AMBRA1: variants seen among roughly 807,000 people sequenced by gnomAD.
AMBRA1 encodes activating molecule in BECN1-regulated autophagy protein 1.
In AMBRA1, 47 loss-of-function variants were observed where a neutral mutation model predicts 125.4. That is an observed-to-expected ratio of 0.37 (90% CI 0.30 to 0.48). The LOEUF is 0.48. Among genes scored for constraint, AMBRA1 ranks in the 20% least tolerant of loss-of-function variants. The pLI is 0.99. For missense variants in AMBRA1, 1,331 were observed against 1,693.4 expected (o/e 0.79, Z 3.76); for synonymous variants, 626 against 655.5 (o/e 0.95, Z 0.69).
intron 13 of AMBRA1, 82 bp downstream of exon 13, chr11:46,434,767 C>T (rs1347859886): frequency 7.0e-7 from 1 of 1,427,262 alleles, no homozygotes; most frequent in Admixed American, 2.6e-5. Flanking sequence ...ATTACTCCCA[C>T]CCAAGCTGTG....
intron 9 of AMBRA1, among the ~76,000 whole-genome samples, chr11:46,506,689 A>C (rs1248710915): frequency 6.6e-6 from 1 of 152,214 alleles, no homozygotes; most frequent in African/African-American, 2.4e-5. Flanking sequence ...AATAATGCTT[A>C]ACCGCCCTTC....
At chr11:46,545,286 C>G (rs970131296) in intron 5 of AMBRA1, among the ~76,000 whole-genome samples, 4 of 151,352 alleles carry the variant, frequency 2.6e-5, no homozygotes, top group Admixed American at 2.0e-4. Flanking sequence ...ATGGTGAAAC[C>G]CTATCTTTAT....
At chr11:46,474,043 A>C (rs1468745396) in intron 11 of AMBRA1, among the ~76,000 whole-genome samples, 1 of 152,186 alleles carries the variant, frequency 6.6e-6, no homozygotes, top group Non-Finnish European at 1.5e-5. Context: ...ACATAGTAGC[A>C]CTCAAGAAGT....
chr11:46,591,590 C>T (rs1053519844), intron 1 of AMBRA1, among the ~76,000 whole-genome samples: 2 of 152,116 alleles, frequency 1.3e-5, no homozygotes, highest in South Asian at 4.1e-4. Context: ...GGCGCGGTGG[C>T]TCATACCTGT....
At chr11:46,590,394 C>A (rs969449791) in intron 1 of AMBRA1, among the ~76,000 whole-genome samples, 1 of 151,424 alleles carries the variant, frequency 6.6e-6, no homozygotes, top group African/African-American at 2.4e-5. Context: ...GTAGTTCCAG[C>A]TATTGGGGAG....
intron 14 of AMBRA1, among the ~76,000 whole-genome samples, chr11:46,427,082 A>G (rs547107716): frequency 1.3e-5 from 2 of 151,492 alleles, no homozygotes; most frequent in African/African-American, 4.9e-5. Flanking sequence ...GGACTATATT[A>G]TAAGTTCAAT....
intron 17 of AMBRA1, among the ~76,000 whole-genome samples, chr11:46,407,704 G>GCTAT (rs1271606137): frequency 3.9e-5 from 6 of 152,252 alleles, no homozygotes; most frequent in Non-Finnish European, 8.8e-5. Flanking sequence ...ATTCCCTGGG[G>GCTAT]TGATAGGCAC....
chr11:46,487,581 G>A (rs1201909390), intron 11 of AMBRA1, among the ~76,000 whole-genome samples: 5 of 152,066 alleles, frequency 3.3e-5, no homozygotes, highest in Admixed American at 6.6e-5. Flanking sequence ...AGGGAATGGA[G>A]CCACAGGGGA....
intron 15 of AMBRA1, among the ~76,000 whole-genome samples, chr11:46,411,785 A>G (rs544735664): frequency 6.7e-6 from 1 of 149,946 alleles, no homozygotes; most frequent in Non-Finnish European, 1.5e-5. Flanking sequence ...TGTCTTTTTA[A>G]TTTTTTTTTT....
chr11:46,577,906 C>T (rs2044016302), intron 1 of AMBRA1, among the ~76,000 whole-genome samples: 1 of 152,064 alleles, frequency 6.6e-6, no homozygotes, highest in East Asian at 1.9e-4. Context: ...GCCGATATAG[C>T]ACCACTGCAC....
intron 7 of AMBRA1, among the ~76,000 whole-genome samples, chr11:46,515,296 GACTCCATCTCT>G (rs1018899536): frequency 8.5e-5 from 13 of 152,058 alleles, no homozygotes; most frequent in African/African-American, 3.1e-4. Context: ...AACATGGTGA[GACTCCATCTCT>G]ACTAAAATAC....
chr11:46,471,005 G>C (rs1229430358), intron 11 of AMBRA1, among the ~76,000 whole-genome samples: 1 of 152,184 alleles, frequency 6.6e-6, no homozygotes. Context: ...AAGAGGCATG[G>C]AAAATGTTGC....
At chr11:46,546,938 G>T in intron 4 of AMBRA1, 175 bp downstream of exon 4, 1 of 552,696 alleles carries the variant, frequency 1.8e-6, no homozygotes, top group East Asian at 3.3e-5. Flanking sequence ...AGGCATGATG[G>T]CACATGCCTG....
chr11:46,543,949 G>A, intron 6 of AMBRA1, 26 bp downstream of exon 6: 1 of 1,591,154 alleles, frequency 6.3e-7, no homozygotes, highest in East Asian at 2.2e-5. Flanking sequence ...AGTTTAGCTG[G>A]AATTGGAACT....
At position 46,520,857 on chromosome 11, in the gene AMBRA1, G is replaced by A. The variant is rs539012074; in HGVS notation, c.2073-8044C>T. Among the ~76,000 whole-genome samples the A allele has an allele frequency of 4.1e-4, 62 of 151,600 alleles. 1 individual carries two copies. The highest frequency in any genetic ancestry group is 1.9e-4 in the East Asian group (1 of 5,150). Reference sequence around the variant, plus strand: ...CCTGACCTCGTGATCCGCCCGCCTCGGCCTCCCAAAGTGTTGGGATTACAG... The same window carrying A: ...CCTGACCTCGTGATCCGCCCGCCTCAGCCTCCCAAAGTGTTGGGATTACAG... On this transcript the variant is annotated intron_variant, in intron 7 of 17. Transcript: ENST00000683756.
intron 1 of AMBRA1, among the ~76,000 whole-genome samples, chr11:46,559,822 T>C (rs548820696): frequency 6.6e-6 from 1 of 152,308 alleles, no homozygotes; most frequent in Admixed American, 6.5e-5. Context: ...GAATTTCAAG[T>C]TTTCCTCCAA....
At chr11:46,552,692 A>T (rs902266152) in intron 1 of AMBRA1, among the ~76,000 whole-genome samples, 2 of 151,906 alleles carry the variant, frequency 1.3e-5, no homozygotes, top group African/African-American at 4.8e-5. Context: ...AAAAAAAAAA[A>T]AAAATTAAAT....
intron 11 of AMBRA1, among the ~76,000 whole-genome samples, chr11:46,457,818 C>G (rs988390652): frequency 1.3e-5 from 2 of 151,174 alleles, no homozygotes; most frequent in African/African-American, 2.4e-5. Context: ...ATGAAAATCA[C>G]TTGAGCCAAG....
chr11:46,543,515 T>C lies in AMBRA1; in HGVS notation c.619-117A>G. 3 of 1,335,022 alleles carry C rather than the reference T, an allele frequency of 2.2e-6. No homozygotes were observed. In the South Asian group the frequency reaches 4.2e-5, roughly 19 times the overall value. The allele number at this position is 1,335,022 out of a possible 1,614,324, so 82.7% of individuals were successfully genotyped here. On this transcript the variant is annotated intron_variant, in intron 6 of 17. Transcript: ENST00000683756. ...ATCCAAGGAAAACAATGTTCATAGGTAGGAAACAACTCTCTACCCCTGAAG... is the reference window on the plus strand; with the variant it reads ...ATCCAAGGAAAACAATGTTCATAGGCAGGAAACAACTCTCTACCCCTGAAG...
Sources: gnomAD v4.1 joint callset for allele counts (sites outside exome capture counted in the v4.1 genomes callset) on GRCh38, gnomAD v4.1.1 for gene constraint, MANE v1.5 for transcripts, NCBI Gene and HGNC (gene_info 2026-07-23, HGNC 2026-07-21) for gene names.